The following IQANK1 variants were observed in gnomAD, a reference collection of about 807,000 sequenced individuals.
IQANK1 encodes the protein IQ motif and ankyrin repeat containing 1, also known as IQ motif and ankyrin repeat domain-containing protein 1.
IQANK1 carries 30 observed loss-of-function variants against 22.6 expected under a neutral mutation model. That is an observed-to-expected ratio of 1.33 (90% confidence interval 0.99 to 1.80). IQANK1 has a LOEUF of 1.80. Among genes scored for constraint, IQANK1 ranks in the 40% most tolerant of loss-of-function variants. IQANK1 has a pLI of 0.00. For missense variants in IQANK1, 275 were observed against 235.2 expected (o/e 1.17, Z -1.11); for synonymous variants, 122 against 99.6 (o/e 1.23, Z -1.34).
intron 3 of IQANK1, among the ~76,000 whole-genome samples, chr8:143,741,461 A>T (rs538417760): frequency 7.2e-5 from 11 of 152,252 alleles, no homozygotes; most frequent in African/African-American, 2.4e-4. Flanking sequence ...TTTTTGCTAC[A>T]AAGTGGGTTT....
At chr8:143,750,934 C>G (rs1269787953) in intron 3 of IQANK1, among the ~76,000 whole-genome samples, 2 of 142,248 alleles carry the variant, frequency 1.4e-5, no homozygotes, top group East Asian at 4.0e-4. Flanking sequence ...TCCTGAATTA[C>G]TGTCTTCTTT....
At chr8:143,742,798 C>G (rs1554626759) in intron 3 of IQANK1, 3 of 456,112 alleles carry the variant, frequency 6.6e-6, no homozygotes, top group Non-Finnish European at 1.3e-5. Context: ...CTACTTTCAC[C>G]TTAGCCAGCA....
chr8:143,737,019 A>T (rs1587467340), intron 2 of IQANK1, among the ~76,000 whole-genome samples: 1 of 152,236 alleles, frequency 6.6e-6, no homozygotes, highest in East Asian at 1.9e-4. Flanking sequence ...GAGCTCCCAG[A>T]TTCACAGGAG....
intron 7 of IQANK1, among the ~76,000 whole-genome samples, chr8:143,773,312 A>C (rs1372738226): frequency 8.9e-5 from 12 of 135,016 alleles, no homozygotes; most frequent in South Asian, 8.5e-4. Flanking sequence ...AAAAAAAAAA[A>C]AAAACAAAAA....
At chr8:143,762,059 C>T (rs1587482836) in intron 3 of IQANK1, among the ~76,000 whole-genome samples, 1 of 152,036 alleles carries the variant, frequency 6.6e-6, no homozygotes, top group South Asian at 2.1e-4. Context: ...GTATCCCATT[C>T]GTAAAGTAAG....
intron 7 of IQANK1, among the ~76,000 whole-genome samples, chr8:143,786,132 GGATTACAGGCAT>G (rs1819884255): frequency 6.6e-6 from 1 of 152,070 alleles, no homozygotes; most frequent in African/African-American, 2.4e-5. Flanking sequence ...CAAAGTGCTG[GGATTACAGGCAT>G]GAGCCACCTT....
rs116161910 is a variant in IQANK1, at chr8:143,757,044, G to A, written c.176-14444G>A. 1.5e-3 allele frequency among the ~76,000 whole-genome samples: 235 copies of A among 152,220 alleles called. 2 individuals carry two copies. Among genetic ancestry groups the A allele is most frequent in the African/African-American group, 5.4e-3 (226 of 41,536 alleles). On this transcript the variant is annotated intron_variant, in intron 3 of 13. Coordinates refer to ENST00000527139, the MANE Select transcript of IQANK1 (RefSeq NM_001381874.1). Reference sequence around the variant, plus strand: ...CTAAAACGCTAGGGTTCTGTGCTGTGATTTTCTTACTGGGTTTCTCCAGAA... The same window carrying A: ...CTAAAACGCTAGGGTTCTGTGCTGTAATTTTCTTACTGGGTTTCTCCAGAA...
At chr8:143,780,784 C>G (rs1554630865) in intron 7 of IQANK1, among the ~76,000 whole-genome samples, 1 of 152,206 alleles carries the variant, frequency 6.6e-6, no homozygotes, top group African/African-American at 2.4e-5. Context: ...CTGCAGTCAA[C>G]ATATGCGTGC....
At chr8:143,748,525 G>A (rs1563770140) in intron 3 of IQANK1, among the ~76,000 whole-genome samples, 1 of 115,074 alleles carries the variant, frequency 8.7e-6, no homozygotes, top group Non-Finnish European at 1.8e-5. Flanking sequence ...AAATATAGAT[G>A]ATATATATGA....
intron 7 of IQANK1, among the ~76,000 whole-genome samples, chr8:143,778,592 A>T (rs1184778671): frequency 1.3e-5 from 2 of 152,242 alleles, no homozygotes; most frequent in Non-Finnish European, 2.9e-5. Context: ...CCCATAATTG[A>T]TGAGACAAGT....
chr8:143,763,347 A>T (rs1554628999), intron 3 of IQANK1, among the ~76,000 whole-genome samples: 1 of 152,192 alleles, frequency 6.6e-6, no homozygotes, highest in African/African-American at 2.4e-5. Context: ...AGAATATGAT[A>T]ATGGTAGTTA....
intron 7 of IQANK1, among the ~76,000 whole-genome samples, chr8:143,786,542 ATCAGGTATATGC>A (rs1299488793): frequency 1.3e-5 from 2 of 152,220 alleles, no homozygotes; most frequent in Admixed American, 6.5e-5. Flanking sequence ...TGTCCAAACA[ATCAGGTATATGC>A]TAATGTACGA....
intron 3 of IQANK1, among the ~76,000 whole-genome samples, chr8:143,760,932 GGTC>G (rs1819383382): frequency 1.3e-5 from 2 of 152,124 alleles, no homozygotes; most frequent in African/African-American, 2.4e-5. Context: ...GGTGGCATGG[GGTC>G]GACTTTGGAC....
At chr8:143,786,194 G>A (rs188302205) in intron 7 of IQANK1, among the ~76,000 whole-genome samples, 81 of 152,326 alleles carry the variant, frequency 5.3e-4, no homozygotes, top group African/African-American at 1.7e-3. Flanking sequence ...GGAATCATTT[G>A]AAGCCTAGAA....
At chr8:143,766,755 T>C (rs547435528) in intron 3 of IQANK1, among the ~76,000 whole-genome samples, 59 of 152,340 alleles carry the variant, frequency 3.9e-4, no homozygotes, top group Middle Eastern at 3.4e-3. Context: ...GAAATAAATC[T>C]TTCCAACTCC....
chr8:143,777,009 C>T (rs1819698507), intron 7 of IQANK1, among the ~76,000 whole-genome samples: 1 of 151,790 alleles, frequency 6.6e-6, no homozygotes, highest in South Asian at 2.1e-4. Context: ...GCCTGTGGTC[C>T]CAACTACTTG....
intron 2 of IQANK1, among the ~76,000 whole-genome samples, chr8:143,737,321 C>T (rs879981663): frequency 2.6e-4 from 40 of 152,226 alleles, no homozygotes; most frequent in Non-Finnish European, 4.1e-4. Context: ...CGCCCTGCAC[C>T]GCAGCCCATA....
At chr8:143,778,820 G>A (rs1480706475) in intron 7 of IQANK1, among the ~76,000 whole-genome samples, 1 of 152,196 alleles carries the variant, frequency 6.6e-6, no homozygotes, top group Non-Finnish European at 1.5e-5. Context: ...AGGCTGGAGG[G>A]CAGTGGCGCA....
chr8:143,788,238 C>T (rs372943145), intron 7 of IQANK1, among the ~76,000 whole-genome samples: 1 of 152,228 alleles, frequency 6.6e-6, no homozygotes, highest in Admixed American at 6.5e-5. Context: ...GGGACTGGCC[C>T]GCCACCAGGC....
Sources: allele counts gnomAD v4.1 joint callset (sites outside exome capture counted in the v4.1 genomes callset), GRCh38; gene constraint gnomAD v4.1.1; transcripts MANE v1.5; gene names NCBI Gene and HGNC (gene_info 2026-07-23, HGNC 2026-07-21).